The following NOMO2 variants were observed in gnomAD, a reference collection of about 807,000 sequenced individuals.
The protein encoded by NOMO2 is NODAL modulator 2.
In NOMO2, 14 loss-of-function variants were observed where a neutral mutation model predicts 67.1. That is an observed-to-expected ratio of 0.21 (90% CI 0.14 to 0.33). The LOEUF is 0.33. NOMO2 is among the 10% of genes least tolerant of loss of function. NOMO2 has a pLI of 1.00. For missense variants in NOMO2, 178 were observed against 761.0 expected, an observed-to-expected ratio of 0.23 and a Z score of 9.01; for synonymous variants, 80 against 305.9, an observed-to-expected ratio of 0.26 and a Z score of 7.71.
chr16:18,528,813 A>C (rs941168758), intron 15 of NOMO2, among the ~76,000 whole-genome samples: 23 of 149,482 alleles, frequency 1.5e-4, no homozygotes, highest in Non-Finnish European at 4.5e-5. Flanking sequence ...AAAAAAAAAG[A>C]AAAAAAAAGC....
intron 1 of NOMO2, chr16:18,558,796 C>T (rs1901970381): frequency 4.4e-6 from 2 of 454,920 alleles, no homozygotes; most frequent in Non-Finnish European, 8.8e-6. Context: ...GGTGTAGACA[C>T]AGAGCCGCTC....
At chr16:18,558,006 C>T (rs1236543515) in intron 1 of NOMO2, among the ~76,000 whole-genome samples, 4 of 151,880 alleles carry the variant, frequency 2.6e-5, no homozygotes, top group East Asian at 3.9e-4. Flanking sequence ...CCACCTACAG[C>T]CTATTACAAT....
In NOMO2 at chr16:18,561,198, A is replaced by C. The variant is rs1326924013; in HGVS notation, c.165+678T>G. ...TAAAAAAAAAAAAAAAAAAAAAAAA[A>C]AAAAAAAAACCTTTACAAATCTCTA... On this transcript the variant is annotated intron_variant, in intron 1 of 30. Transcript: ENST00000622306. 1.4e-4 allele frequency among the ~76,000 whole-genome samples: 19 copies of C among 134,522 alleles called. 1 individual carries two copies. The highest frequency in any genetic ancestry group is 5.1e-4 in the South Asian group (2 of 3,912). 88.3% of individuals were successfully genotyped at this position (134,522 alleles called of 152,430 possible).
chr16:18,528,828 C>T (rs939321200), intron 15 of NOMO2, among the ~76,000 whole-genome samples: 4 of 150,350 alleles, frequency 2.7e-5, no homozygotes, highest in Admixed American at 6.6e-5. Flanking sequence ...AAAAGCTGAG[C>T]ATGGCGGCAC....
intron 15 of NOMO2, among the ~76,000 whole-genome samples, chr16:18,528,988 A>AATATATAT (rs1901222543): frequency 1.5e-5 from 1 of 68,124 alleles, no homozygotes; most frequent in African/African-American, 5.0e-5. Context: ...AAAAAAAAAA[A>AATATATAT]ATACATATAT....
At chr16:18,529,025 ATATATATATATATATAT>A (rs1901227806) in intron 15 of NOMO2, among the ~76,000 whole-genome samples, 1 of 52,048 alleles carries the variant, frequency 1.9e-5, no homozygotes, top group Non-Finnish European at 4.0e-5. Context: ...ATATATATAT[ATATATATATATATATAT>A]CAGAGAAACT....
intron 1 of NOMO2, among the ~76,000 whole-genome samples, chr16:18,560,490 G>A (rs1390197103): frequency 2.0e-5 from 3 of 151,440 alleles, no homozygotes; most frequent in Non-Finnish European, 4.4e-5. Flanking sequence ...CACCCTGAAC[G>A]TGTCCTGTCC....
chr16:18,561,197 A>ACAAC (rs1452611006), intron 1 of NOMO2, among the ~76,000 whole-genome samples: 2 of 126,794 alleles, frequency 1.6e-5, no homozygotes, highest in Non-Finnish European at 3.6e-5. Flanking sequence ...AAAAAAAAAA[A>ACAAC]AAAAAAAAAA....
intron 15 of NOMO2, 176 bp downstream of exon 15, chr16:18,529,325 C>T: frequency 1.1e-6 from 1 of 883,048 alleles, no homozygotes; most frequent in Non-Finnish European, 1.8e-6. Flanking sequence ...GGGGTCCTTC[C>T]ACTGAGAGAG....
At chr16:18,534,151 A>C (rs1489053677) in intron 11 of NOMO2, among the ~76,000 whole-genome samples, 2 of 151,976 alleles carry the variant, frequency 1.3e-5, no homozygotes, top group Non-Finnish European at 2.9e-5. Context: ...AAATGGTGGA[A>C]GATTGTGTAT....
intron 15 of NOMO2, chr16:18,529,288 C>T: frequency 1.6e-6 from 1 of 632,916 alleles, no homozygotes; most frequent in Non-Finnish European, 2.8e-6. Flanking sequence ...TAGTGTAGGG[C>T]CAGGACAAGG....
Position 18,550,116 on chromosome 16 carries a change from C to T in NOMO2, c.403-489G>A, listed in dbSNP as rs555123336. On this transcript the variant is annotated intron_variant, in intron 4 of 30. Coordinates refer to ENST00000622306, the MANE Select transcript of NOMO2 (RefSeq NM_173614.4). ...CGGAGGTTGCAGTAAGCTGCAATCGCGCCACTGCACTCCAGCCTGGGCGAC... is the reference window on the plus strand; with the variant it reads ...CGGAGGTTGCAGTAAGCTGCAATCGTGCCACTGCACTCCAGCCTGGGCGAC... 3.5e-3 allele frequency among the ~76,000 whole-genome samples: 113 copies of T among 32,114 alleles called. 4 individuals carry two copies. Among genetic ancestry groups the T allele is most frequent in the African/African-American group, 0.014 (108 of 7,904 alleles). 21.1% of individuals were successfully genotyped at this position (32,114 alleles called of 152,430 possible).
chr16:18,529,453 A>G (rs1396977872), intron 15 of NOMO2, 48 bp downstream of exon 15: 1 of 1,611,464 alleles, frequency 6.2e-7, no homozygotes, highest in Non-Finnish European at 8.5e-7. Context: ...CTTGACATCC[A>G]CAAGGCGAGC....
intron 2 of NOMO2, among the ~76,000 whole-genome samples, chr16:18,555,755 T>A (rs1410405944): frequency 1.3e-5 from 1 of 74,714 alleles, no homozygotes; most frequent in Non-Finnish European, 2.6e-5. Flanking sequence ...ACTACAGGCA[T>A]CCACGTGACA....
intron 15 of NOMO2, among the ~76,000 whole-genome samples, chr16:18,528,397 G>A (rs978976399): frequency 4.6e-5 from 7 of 151,948 alleles, no homozygotes; most frequent in Non-Finnish European, 8.8e-5. Context: ...AAATCGACCT[G>A]TCAAGTTTTT....
intron 11 of NOMO2, among the ~76,000 whole-genome samples, chr16:18,535,601 C>G (rs1901400074): frequency 6.6e-6 from 1 of 151,926 alleles, no homozygotes; most frequent in African/African-American, 2.4e-5. Context: ...CCAAATCCAT[C>G]TACTCCTCCC....
At chr16:18,558,983 C>T (rs1384380168) in intron 1 of NOMO2, 4 of 396,464 alleles carry the variant, frequency 1.0e-5, no homozygotes, top group South Asian at 1.7e-5. Context: ...CTGGACAACA[C>T]AGCCACACCT....
At chr16:18,545,294 C>T (rs1185240964) in intron 6 of NOMO2, among the ~76,000 whole-genome samples, 4 of 149,228 alleles carry the variant, frequency 2.7e-5, no homozygotes, top group Non-Finnish European at 6.0e-5. Context: ...GATGCGGTTT[C>T]ACCATGTTGG....
At chr16:18,528,919 G>A (rs1228282042) in intron 15 of NOMO2, among the ~76,000 whole-genome samples, 4 of 134,068 alleles carry the variant, frequency 3.0e-5, no homozygotes, top group Non-Finnish European at 6.3e-5. Flanking sequence ...AGTGAGCCGA[G>A]ATTGCGCCAC....
Sources: allele counts gnomAD v4.1 joint callset (sites outside exome capture counted in the v4.1 genomes callset), GRCh38; gene constraint gnomAD v4.1.1; transcripts MANE v1.5; gene names NCBI Gene and HGNC (gene_info 2026-07-23, HGNC 2026-07-21).